Variants in TAFA2 observed in about 807,000 individuals in gnomAD.
TAFA2 encodes TAFA chemokine like family member 2, also known as chemokine-like protein TAFA-2.
In TAFA2, 7 loss-of-function variants were observed where a neutral mutation model predicts 18.8. That is an observed-to-expected ratio of 0.37 (90% confidence interval 0.21 to 0.70). The LOEUF is 0.70. Among genes scored for constraint, TAFA2 ranks in the 30% least tolerant of loss-of-function variants. TAFA2 has a pLI of 0.53. For missense variants in TAFA2, 122 were observed against 158.1 expected (o/e 0.77, Z 1.23); for synonymous variants, 60 against 54.2 (o/e 1.11, Z -0.47).
At chr12:62,254,734 C>T (rs1445393324) in intron 1 of TAFA2, among the ~76,000 whole-genome samples, 1 of 152,184 alleles carries the variant, frequency 6.6e-6, no homozygotes, top group Non-Finnish European at 1.5e-5. Context: ...TGTCCTGTTG[C>T]TTAGCAAAAC....
chr12:61,996,220 T>C (rs955273506), intron 1 of TAFA2, among the ~76,000 whole-genome samples: 2 of 152,110 alleles, frequency 1.3e-5, no homozygotes, highest in East Asian at 3.9e-4. Flanking sequence ...GAAAAATGCC[T>C]CCACACTGCC....
intron 1 of TAFA2, among the ~76,000 whole-genome samples, chr12:62,055,663 T>C (rs1000323229): frequency 6.6e-6 from 1 of 152,186 alleles, no homozygotes; most frequent in African/African-American, 2.4e-5. Flanking sequence ...TCTGGTTATA[T>C]TTTAGATCGC....
chr12:61,899,043 G>C (rs1592470077), intron 1 of TAFA2, among the ~76,000 whole-genome samples: 1 of 152,320 alleles, frequency 6.6e-6, no homozygotes, highest in Non-Finnish European at 1.5e-5. Context: ...AGCATAGCAA[G>C]AGTCACCTTT....
At chr12:61,917,668 T>C (rs1876881831) in intron 1 of TAFA2, among the ~76,000 whole-genome samples, 1 of 152,154 alleles carries the variant, frequency 6.6e-6, no homozygotes, top group Admixed American at 6.6e-5. Flanking sequence ...TCATGTTACC[T>C]GTTAAAGAAG....
At chr12:62,224,082 T>C (rs1487132941) in intron 1 of TAFA2, among the ~76,000 whole-genome samples, 1 of 142,464 alleles carries the variant, frequency 7.0e-6, no homozygotes, top group Admixed American at 7.0e-5. Flanking sequence ...TATATGTGCA[T>C]ACACACACAC....
chr12:62,086,818 A>G (rs1360803285), intron 1 of TAFA2, among the ~76,000 whole-genome samples: 1 of 152,196 alleles, frequency 6.6e-6, no homozygotes. Context: ...CAAGGACTCA[A>G]GCAGTTATCT....
At chr12:62,010,723 G>C (rs577423082) in intron 1 of TAFA2, among the ~76,000 whole-genome samples, 1 of 143,502 alleles carries the variant, frequency 7.0e-6, no homozygotes, top group Admixed American at 7.0e-5. Context: ...CTGCCCGGCC[G>C]CCCCGTCTGG....
intron 1 of TAFA2, among the ~76,000 whole-genome samples, chr12:62,177,488 G>C (rs2062521673): frequency 6.6e-6 from 1 of 152,184 alleles, no homozygotes; most frequent in African/African-American, 2.4e-5. Flanking sequence ...TTGGTGTTAA[G>C]ACATTTCCTG....
intron 4 of TAFA2, among the ~76,000 whole-genome samples, chr12:61,744,934 G>T (rs1868630497): frequency 6.6e-6 from 1 of 152,022 alleles, no homozygotes; most frequent in Admixed American, 6.6e-5. Context: ...TAAAGAAAAA[G>T]ATTGCCTTAA....
At chr12:62,106,019 C>A (rs542359853) in intron 1 of TAFA2, among the ~76,000 whole-genome samples, 1 of 152,062 alleles carries the variant, frequency 6.6e-6, no homozygotes, top group Non-Finnish European at 1.5e-5. Flanking sequence ...GAAAGTGCTA[C>A]GGTAAAAAGA....
intron 1 of TAFA2, among the ~76,000 whole-genome samples, chr12:62,221,037 G>A (rs1024238926): frequency 2.0e-5 from 3 of 151,928 alleles, no homozygotes; most frequent in Admixed American, 1.3e-4. Flanking sequence ...CCGGGAGGCG[G>A]AGCTTGCAGT....
chr12:61,841,715 T>A (rs1873190530), intron 2 of TAFA2, among the ~76,000 whole-genome samples: 1 of 152,046 alleles, frequency 6.6e-6, no homozygotes, highest in African/African-American at 2.4e-5. Context: ...TGCATTGTAT[T>A]ATATATTTCA....
chr12:61,938,974 C>T (rs748020588), intron 1 of TAFA2, among the ~76,000 whole-genome samples: 4 of 151,898 alleles, frequency 2.6e-5, no homozygotes, highest in Non-Finnish European at 5.9e-5. Flanking sequence ...GTACACTACT[C>T]AGGTGGCGGG....
chr12:62,096,161 T>G (rs895327250), intron 1 of TAFA2, among the ~76,000 whole-genome samples: 2 of 152,106 alleles, frequency 1.3e-5, no homozygotes, highest in African/African-American at 4.8e-5. Context: ...AGGTCTTATC[T>G]GCGTTTGGAC....
At chr12:62,182,937 CA>C (rs1427916992) in intron 1 of TAFA2, among the ~76,000 whole-genome samples, 1 of 152,164 alleles carries the variant, frequency 6.6e-6, no homozygotes, top group African/African-American at 2.4e-5. Context: ...AGATTAATTT[CA>C]AAACTCCAAG....
chr12:61,769,297 G>T (rs778622293), intron 2 of TAFA2, among the ~76,000 whole-genome samples: 1 of 151,192 alleles, frequency 6.6e-6, no homozygotes, highest in Non-Finnish European at 1.5e-5. Context: ...TTACTGGGGG[G>T]CTCCAAAGCT....
At chr12:61,859,643 C>A (rs1399592249) in intron 2 of TAFA2, among the ~76,000 whole-genome samples, 1 of 152,080 alleles carries the variant, frequency 6.6e-6, no homozygotes, top group Non-Finnish European at 1.5e-5. Flanking sequence ...AGGGTTTCGC[C>A]GTATTGGCCA....
intron 1 of TAFA2, chr12:61,879,268 T>G: frequency 2.4e-6 from 1 of 422,476 alleles, no homozygotes; most frequent in South Asian, 3.9e-5. Flanking sequence ...CCACTCCTTC[T>G]CGAATCTCCG....
At chr12:62,220,828 C>A (rs1036040178) in intron 1 of TAFA2, among the ~76,000 whole-genome samples, 28 of 151,368 alleles carry the variant, frequency 1.8e-4, no homozygotes, top group Admixed American at 1.8e-3. Flanking sequence ...GGGAAGGGGG[C>A]CGGGCGCGGT....
Sources: gnomAD v4.1 joint callset for allele counts (sites outside exome capture counted in the v4.1 genomes callset) on GRCh38, gnomAD v4.1.1 for gene constraint, MANE v1.5 for transcripts, NCBI Gene and HGNC (gene_info 2026-07-23, HGNC 2026-07-21) for gene names.